ZNF341: variants seen among roughly 807,000 people sequenced by gnomAD.
ZNF341 encodes zinc finger protein 341.
Under a neutral mutation model 87.7 loss-of-function variants are expected in ZNF341, and 52 were observed. That is an observed-to-expected ratio of 0.59 (90% CI 0.47 to 0.75). The LOEUF (loss-of-function observed/expected upper bound fraction) is 0.75. ZNF341 is among the 30% of genes least tolerant of loss of function. The pLI is 0.00. For synonymous variants in ZNF341, 459 were observed against 472.7 expected (o/e 0.97, Z 0.38); for missense variants, 977 against 1,145.9 (o/e 0.85, Z 2.13).
chr20:33,783,714 G>A lies in ZNF341; in HGVS notation c.1720-18G>A. ...GGGGCCCGGTGAGTCAGACCTGAAG[G>A]CCCCTCTTCTCTCCCAGGTGTTTCC... On this transcript the variant is annotated intron_variant, in intron 11 of 14. Transcript: ENST00000375200. 1 of 1,613,626 alleles carries A rather than the reference G, an allele frequency of 6.2e-7. No individual in the cohort carries two copies. Among genetic ancestry groups the A allele is most frequent in the Non-Finnish European group, 8.5e-7 (1 of 1,179,840 alleles).
intron 7 of ZNF341, among the ~76,000 whole-genome samples, chr20:33,760,846 A>T (rs138264924): frequency 1.1e-3 from 160 of 152,268 alleles, no homozygotes; most frequent in African/African-American, 3.7e-3. Flanking sequence ...GCTGGGCTTG[A>T]ATTTAAATTT....
intron 8 of ZNF341, among the ~76,000 whole-genome samples, chr20:33,762,699 C>T (rs983534218): frequency 5.3e-5 from 8 of 152,016 alleles, no homozygotes; most frequent in African/African-American, 9.7e-5. Context: ...CCCAGCCCCC[C>T]GACAGGCCCT....
intron 4 of ZNF341, among the ~76,000 whole-genome samples, chr20:33,751,288 T>C (rs1337223007): frequency 6.6e-6 from 1 of 152,138 alleles, no homozygotes; most frequent in Admixed American, 6.6e-5. Context: ...GTTTCACGAC[T>C]ACCCACACAT....
At chr20:33,776,475 C>T (rs911924931) in intron 10 of ZNF341, among the ~76,000 whole-genome samples, 1 of 151,898 alleles carries the variant, frequency 6.6e-6, no homozygotes, top group Non-Finnish European at 1.5e-5. Flanking sequence ...GCAGCCTTCG[C>T]CTCCGGGGCT....
intron 5 of ZNF341, among the ~76,000 whole-genome samples, chr20:33,755,591 CTT>C (rs1004093201): frequency 7.6e-5 from 9 of 118,028 alleles, no homozygotes; most frequent in African/African-American, 9.7e-5. Context: ...GAGTTGAATT[CTT>C]TTTTTTTTTT....
chr20:33,769,444 C>G (rs2019479414), intron 9 of ZNF341, among the ~76,000 whole-genome samples: 1 of 152,000 alleles, frequency 6.6e-6, no homozygotes, highest in Admixed American at 6.6e-5. Flanking sequence ...GAGGCCTGCT[C>G]CAGTTTGAGA....
rs905747674 is a variant in ZNF341 at position 33,791,746 on chromosome 20, T to C, written c.*229T>C. 13 of 492,968 alleles carry C rather than the reference T, an allele frequency of 2.6e-5. No individual in the cohort carries two copies. The highest frequency in any genetic ancestry group is 1.9e-4 in the African/African-American group (10 of 52,450). 30.5% of individuals were successfully genotyped at this position (492,968 alleles called of 1,614,324 possible). On this transcript the variant is annotated 3_prime_UTR_variant, in exon 15 of 15. Transcript: ENST00000375200. ...GTTGGGGGCAGGGCCATCCACGGTT[T>C]CTGGGCAGAGCCATGGTGGCAGGAG...
At chr20:33,743,145 C>T (rs1320978264) in intron 2 of ZNF341, among the ~76,000 whole-genome samples, 1 of 151,244 alleles carries the variant, frequency 6.6e-6, no homozygotes, top group Non-Finnish European at 1.5e-5. Flanking sequence ...GATTCTCCTG[C>T]TTCAGCCTCC....
chr20:33,736,347 C>T (rs568047217), intron 1 of ZNF341, among the ~76,000 whole-genome samples: 1 of 152,152 alleles, frequency 6.6e-6, no homozygotes, highest in South Asian at 2.1e-4. Flanking sequence ...TGCCTTTAAC[C>T]TCCAAACTGC....
At chr20:33,783,365 G>T (rs1443006856) in intron 11 of ZNF341, among the ~76,000 whole-genome samples, 1 of 152,106 alleles carries the variant, frequency 6.6e-6, no homozygotes, top group East Asian at 1.9e-4. Flanking sequence ...TAAAAGTGTG[G>T]GTGGACATTC....
At chr20:33,777,322 CAAAA>C (rs71192713) in intron 10 of ZNF341, among the ~76,000 whole-genome samples, 2 of 32,640 alleles carry the variant, frequency 6.1e-5, no homozygotes, top group Non-Finnish European at 1.2e-4. Context: ...GACCCTATCT[CAAAA>C]AAAAAAAAAA....
Position 33,775,144 on chromosome 20 carries a change from G to A in ZNF341, c.1622+4852G>A, listed in dbSNP as rs558107489. On this transcript the variant is annotated intron_variant, in intron 10 of 14. Transcript: ENST00000375200. ...TAACAATTATACAGGGAACAACTTC[G>A]GAAGTACATCTTTGCTCTTTTCTAA... 7.2e-5 allele frequency among the ~76,000 whole-genome samples: 11 copies of A among 151,972 alleles called. No individual in the cohort carries two copies. The East Asian group carries it at 1.9e-3, about 27-fold the overall frequency.
At chr20:33,751,423 G>A (rs142028298) in intron 4 of ZNF341, among the ~76,000 whole-genome samples, 1 of 152,234 alleles carries the variant, frequency 6.6e-6, no homozygotes, top group African/African-American at 2.4e-5. Context: ...GGAATCTGGA[G>A]GAATCCAGAG....
intron 3 of ZNF341, among the ~76,000 whole-genome samples, chr20:33,746,151 A>C (rs184426103): frequency 0.012 from 1,765 of 148,908 alleles, 45 homozygotes; most frequent in African/African-American, 0.042. Context: ...GGATGGTCTC[A>C]ATCTCCTGAC....
intron 6 of ZNF341, 149 bp downstream of exon 6, chr20:33,757,492 T>C: frequency 1.3e-6 from 1 of 751,032 alleles, no homozygotes. Flanking sequence ...TGATAGAATT[T>C]TGTTTCTCTC....
At chr20:33,767,678 C>T (rs2019437840) in intron 9 of ZNF341, among the ~76,000 whole-genome samples, 1 of 152,174 alleles carries the variant, frequency 6.6e-6, no homozygotes, top group African/African-American at 2.4e-5. Context: ...CCTAGAAGCA[C>T]TTTGTAGATC....
At chr20:33,779,159 T>C (rs983795618) in intron 10 of ZNF341, among the ~76,000 whole-genome samples, 3 of 152,132 alleles carry the variant, frequency 2.0e-5, no homozygotes, top group African/African-American at 7.2e-5. Flanking sequence ...AGGCTTTTAC[T>C]CATGGCAGGA....
intron 14 of ZNF341, among the ~76,000 whole-genome samples, chr20:33,789,790 C>T (rs1472232286): frequency 6.6e-6 from 1 of 152,194 alleles, no homozygotes; most frequent in Non-Finnish European, 1.5e-5. Context: ...GAATCAGACA[C>T]AGTCCCCCAG....
At chr20:33,768,185 C>T (rs146641853) in intron 9 of ZNF341, among the ~76,000 whole-genome samples, 3,089 of 151,950 alleles carry the variant, frequency 0.02, 105 homozygotes, top group African/African-American at 0.07. Context: ...TGCAATGGCA[C>T]GATCTCGGCT....
Sources: gnomAD v4.1 joint callset for allele counts (sites outside exome capture counted in the v4.1 genomes callset) on GRCh38, gnomAD v4.1.1 for gene constraint, MANE v1.5 for transcripts, NCBI Gene and HGNC (gene_info 2026-07-23, HGNC 2026-07-21) for gene names.